The following RND3 variants were observed in gnomAD, a reference collection of about 807,000 sequenced individuals.
The protein encoded by RND3 is rho-related GTP-binding protein RhoE.
RND3 carries 8 observed loss-of-function variants against 26.5 expected under a neutral mutation model. The observed-to-expected ratio is 0.30, with a 90% CI of 0.18 to 0.54. The LOEUF (loss-of-function observed/expected upper bound fraction) is 0.54, where lower values mean the gene tolerates loss of function less well. Ranked by LOEUF, RND3 falls within the 20% of genes least tolerant of loss-of-function variation. The probability of loss-of-function intolerance (pLI) is 0.94; values close to 1 mark genes in which losing one functional copy is unlikely to be tolerated. For missense variants in RND3, 207 were observed against 302.8 expected (o/e 0.68, Z 2.35); for synonymous variants, 113 against 113.0 (o/e 1.00, Z 0.00).
At chr2:150,479,396 A>G (rs1030244591) in intron 3 of RND3, among the ~76,000 whole-genome samples, 1 of 152,216 alleles carries the variant, frequency 6.6e-6, no homozygotes, top group Non-Finnish European at 1.5e-5. Context: ...GCAAAGTACC[A>G]GTTTAAACAC....
Position 150,474,959 on chromosome 2 carries a change from G to A in RND3, c.264C>T (p.Arg88=). ...CATCCGAATCAGGGTAAGAGAGGGG[G>A]CGGACATTGTCATAGTAAGGAGAAC... The part of the protein sequence containing the change: ...TSGSPYYDNV[R]PLSYPDSDAV... Residue 88 remains arginine, a synonymous_variant, in exon 4 of 6, where the codon CGC becomes CGT. Transcript: ENST00000263895. The A allele has an allele frequency of 1.2e-6, 2 of 1,612,624 alleles. No homozygotes were observed. Among genetic ancestry groups the A allele is most frequent in the African/African-American group, 1.3e-5 (1 of 74,986 alleles).
At chr2:150,485,462 C>G (rs1025165429) in intron 3 of RND3, 1 of 152,422 alleles carries the variant, frequency 6.6e-6, no homozygotes, top group Non-Finnish European at 1.5e-5. Flanking sequence ...TCGGGGCCTC[C>G]CCGCCTAACA....
At position 150,487,474 on chromosome 2, in the gene RND3, A is replaced by ATATATAT. The variant is rs1553461879; in HGVS notation, c.-38-20_-38-19insATATATA. 197 of 200,790 alleles carry ATATATAT rather than the reference A, an allele frequency of 9.8e-4. 1 individual carries two copies. The highest frequency in any genetic ancestry group is 3.8e-3 in the African/African-American group (138 of 36,648). 12.4% of individuals were successfully genotyped at this position (200,790 alleles called of 1,614,324 possible). A position where few individuals can be genotyped will look rare whatever the true frequency, so the allele number is the denominator to read the frequency against. On this transcript the variant is annotated intron_variant, in intron 1 of 5. Coordinates refer to ENST00000263895, the MANE Select transcript of RND3 (RefSeq NM_005168.5). The stretch of plus-strand genomic sequence containing the variant: ...ATTTTCTCTTAAGAAGAAAAAAAAA[A>ATATATAT]ATATATATATATATATATATTTCTC...
Position 150,486,317 on chromosome 2 carries a change from G to T in RND3, c.238+377C>A, listed in dbSNP as rs1469618313. Among the ~76,000 whole-genome samples, 1 of 149,978 alleles carries T rather than the reference G, an allele frequency of 6.7e-6. No homozygotes were observed. Among genetic ancestry groups the T allele is most frequent in the African/African-American group, 2.5e-5 (1 of 39,538 alleles). On this transcript the variant is annotated intron_variant, in intron 3 of 5. Transcript: ENST00000263895. The surrounding 1 kb of genome is among the most constrained non-coding windows in gnomAD (Gnocchi z 4.5). ...CCAGCAGGTTAGATCTAGGAGGGGC[G>T]CCCGCCTTGAGCCGGGTGGTTCCGC...
intron 1 of RND3, 25 bp from the exon 2 acceptor site, chr2:150,487,480 T>TATAG: frequency 3.0e-6 from 1 of 333,792 alleles, no homozygotes; most frequent in Non-Finnish European, 4.6e-6. Flanking sequence ...AAAAAATATA[T>TATAG]ATATATATAT....
rs1553461879 is a variant in RND3, at chr2:150,487,474, A to ATAT, written c.-38-20_-38-19insATA. The ATAT allele has an allele frequency of 6.6e-3, 1,331 of 200,336 alleles. 7 individuals are homozygous for ATAT. Among genetic ancestry groups the ATAT allele is most frequent in the South Asian group, 0.01 (70 of 6,738 alleles). The allele number at this position is 200,336 out of a possible 1,614,324, so 12.4% of individuals were successfully genotyped here. On this transcript the variant is annotated intron_variant, in intron 1 of 5. Transcript: ENST00000263895. ...ATTTTCTCTTAAGAAGAAAAAAAAAAATATATATATATATATATATTTCTC... is the reference window on the plus strand; with the variant it reads ...ATTTTCTCTTAAGAAGAAAAAAAAAATATATATATATATATATATATATTTCTC...
chr2:150,474,102 C>T (rs944049448), intron 4 of RND3, among the ~76,000 whole-genome samples: 6 of 152,180 alleles, frequency 3.9e-5, no homozygotes, highest in Non-Finnish European at 8.8e-5. Flanking sequence ...TCTACAACTA[C>T]CTGGAGGCTG....
intron 2 of RND3, chr2:150,487,017 TG>T: frequency 1.6e-6 from 1 of 608,938 alleles, no homozygotes; most frequent in African/African-American, 1.8e-5. Flanking sequence ...CCCCAGGTTA[TG>T]CACACAGGAA....
chr2:150,473,216 G>T (rs1165357337), intron 4 of RND3, among the ~76,000 whole-genome samples: 1 of 151,842 alleles, frequency 6.6e-6, no homozygotes, highest in East Asian at 1.9e-4. Flanking sequence ...GGACTTAAAG[G>T]GTTCCATTAA....
In RND3 at chr2:150,486,562, C is replaced by T; in HGVS notation, c.238+132G>A. 1.3e-6 allele frequency: 1 copy of T among 753,354 alleles called. No individual in the cohort carries two copies. Among genetic ancestry groups the T allele is most frequent in the South Asian group, 1.4e-5 (1 of 69,340 alleles). 46.7% of individuals were successfully genotyped at this position (753,354 alleles called of 1,614,324 possible). ...CCACCCAGAAGGGATACAATTTTCG[C>T]CCAACAGGGACCGTGGGAATCCCTT... On this transcript the variant is annotated intron_variant, in intron 3 of 5. Transcript: ENST00000263895. The surrounding 1 kb of genome is among the most constrained non-coding windows in gnomAD (Gnocchi z 4.5).
In RND3 at chr2:150,470,031, T is replaced by C. The variant is rs1404494909; in HGVS notation, c.691A>G (p.Thr231Ala). The C allele has an allele frequency of 1.9e-6, 3 of 1,613,928 alleles. No individual in the cohort carries two copies. The highest frequency in any genetic ancestry group is 2.2e-5 in the South Asian group (2 of 91,088). The change falls in exon 6 of 6, where the codon ACG (threonine) becomes GCG (alanine). Residue 231 changes from threonine (T) to alanine (A), a missense_variant. Transcript: ENST00000263895. ...TTCGCTTTGTCCTTTCGTAAGTCCG[T>C]AGCAACTGCCGAGAGTTCTGGTCTG... ...PSRPELSAVA[T>A]DLRKDKAKSC...
intron 3 of RND3, among the ~76,000 whole-genome samples, chr2:150,475,317 C>T (rs1043655052): frequency 6.6e-6 from 1 of 152,096 alleles, no homozygotes; most frequent in Admixed American, 6.5e-5. Context: ...CCTGCCTCCA[C>T]CACTAAAAAG....
chr2:150,471,944 C>G, intron 4 of RND3, 183 bp from the exon 5 acceptor site: 1 of 571,722 alleles, frequency 1.7e-6, no homozygotes, highest in Non-Finnish European at 3.1e-6. Flanking sequence ...AGTTTTACTA[C>G]TTTTTAAGCA....
intron 4 of RND3, among the ~76,000 whole-genome samples, chr2:150,474,591 T>C (rs1453349515): frequency 1.3e-5 from 2 of 152,240 alleles, no homozygotes; most frequent in Non-Finnish European, 2.9e-5. Flanking sequence ...AATATGATAG[T>C]AATCAAATAT....
chr2:150,472,167 A>G (rs1334121978), intron 4 of RND3, among the ~76,000 whole-genome samples: 6 of 151,838 alleles, frequency 4.0e-5, no homozygotes, highest in African/African-American at 1.2e-4. Context: ...CTCCTTCACT[A>G]GAAGGCTGGG....
At chr2:150,474,842 T>G (rs1395699590) in intron 4 of RND3, 33 bp downstream of exon 4, 1 of 1,207,844 alleles carries the variant, frequency 8.3e-7, no homozygotes, top group Non-Finnish European at 1.2e-6. Context: ...CATCACCCAG[T>G]ACTGAAGTGT....
At position 150,470,060 on chromosome 2, in the gene RND3, G is replaced by A; in HGVS notation, c.662C>T (p.Pro221Leu). The A allele has an allele frequency of 6.2e-7, 1 of 1,614,058 alleles. No individual in the cohort carries two copies. The highest frequency in any genetic ancestry group is 8.5e-7 in the Non-Finnish European group (1 of 1,179,960). The change falls in exon 6 of 6, where the codon CCT (proline) becomes CTT (leucine). Residue 221 changes from proline to leucine, a missense_variant. Transcript: ENST00000263895. The stretch of plus-strand genomic sequence containing the variant: ...AACTGCCGAGAGTTCTGGTCTGCTA[G>A]GCATGTGTGAAATCCGCTTTGTGGC... ...QRATKRISHM[P>L]SRPELSAVAT... is the part of the protein sequence containing the mutation.
chr2:150,482,597 A>T (rs184920977), intron 3 of RND3, among the ~76,000 whole-genome samples: 1 of 152,126 alleles, frequency 6.6e-6, no homozygotes, highest in African/African-American at 2.4e-5. Flanking sequence ...CCTCTTTTAG[A>T]TGATTCCTAC....
intron 3 of RND3, among the ~76,000 whole-genome samples, chr2:150,481,828 C>T (rs1041500923): frequency 2.6e-5 from 4 of 152,104 alleles, no homozygotes; most frequent in Admixed American, 2.6e-4. Context: ...CCATTTCCAT[C>T]CCTGTTAAGA....
Sources: allele counts gnomAD v4.1 joint callset (sites outside exome capture counted in the v4.1 genomes callset), GRCh38; gene constraint gnomAD v4.1.1; non-coding constraint Gnocchi (gnomAD v3.1); transcripts MANE v1.5; gene names NCBI Gene and HGNC (gene_info 2026-07-23, HGNC 2026-07-21).